PCDH9: variants seen among roughly 807,000 people sequenced by gnomAD.
PCDH9 encodes the protein protocadherin-9.
A neutral mutation model predicts 70.6 loss-of-function variants in PCDH9; 24 were observed. The observed-to-expected ratio is 0.34, with a 90% CI of 0.25 to 0.48. The LOEUF (loss-of-function observed/expected upper bound fraction) is 0.48, where lower values mean the gene tolerates loss of function less well. PCDH9 is among the 20% of genes least tolerant of loss of function. The pLI, the probability that PCDH9 is intolerant of heterozygous loss-of-function variation, is 0.99. For missense variants in PCDH9, 1,281 were observed against 1,503.6 expected, an observed-to-expected ratio of 0.85 and a Z score of 2.45; for synonymous variants, 562 against 558.5, an observed-to-expected ratio of 1.01 and a Z score of -0.09.
intron 3 of PCDH9, among the ~76,000 whole-genome samples, chr13:66,877,081 T>TCAGA (rs58352180): frequency 0.44 from 67,059 of 151,110 alleles, 15,367 homozygotes; most frequent in African/African-American, 0.57. Flanking sequence ...GATAGAAAAG[T>TCAGA]CAGTCTTTTA....
At chr13:66,305,779 G>A (rs181817512) in intron 4 of PCDH9, among the ~76,000 whole-genome samples, 1 of 152,130 alleles carries the variant, frequency 6.6e-6, no homozygotes, top group East Asian at 1.9e-4. Context: ...TAAAACTGAA[G>A]CTAAATTGCA....
chr13:66,968,357 G>T (rs1261064458), intron 2 of PCDH9, among the ~76,000 whole-genome samples: 1 of 151,886 alleles, frequency 6.6e-6, no homozygotes. Context: ...GGCTTTGTAC[G>T]GTATACTTCT....
intron 3 of PCDH9, among the ~76,000 whole-genome samples, chr13:66,849,025 A>T (rs1415129586): frequency 6.6e-6 from 1 of 150,708 alleles, no homozygotes; most frequent in Non-Finnish European, 1.5e-5. Flanking sequence ...ATTCTGTGTG[A>T]TCTCCTTTAA....
intron 2 of PCDH9, among the ~76,000 whole-genome samples, chr13:67,098,634 T>G (rs1372227410): frequency 6.6e-6 from 1 of 152,154 alleles, no homozygotes; most frequent in Non-Finnish European, 1.5e-5. Flanking sequence ...TCCCACAATC[T>G]GTTCTTCCTT....
intron 4 of PCDH9, among the ~76,000 whole-genome samples, chr13:66,595,631 G>T (rs1016562773): frequency 2.0e-5 from 3 of 151,508 alleles, no homozygotes; most frequent in Admixed American, 1.3e-4. Context: ...GTTTATAATT[G>T]TAATCTCTCA....
chr13:66,705,068 C>T (rs1358423908), intron 3 of PCDH9, among the ~76,000 whole-genome samples: 1 of 151,998 alleles, frequency 6.6e-6, no homozygotes, highest in African/African-American at 2.4e-5. Flanking sequence ...TTTTCTCTAT[C>T]CAGTAAGCAG....
At chr13:66,445,152 T>A (rs548503410) in intron 4 of PCDH9, among the ~76,000 whole-genome samples, 2 of 147,154 alleles carry the variant, frequency 1.4e-5, no homozygotes, top group South Asian at 4.2e-4. Context: ...ACATATATTA[T>A]TTTACTATAT....
intron 4 of PCDH9, among the ~76,000 whole-genome samples, chr13:66,564,221 G>A (rs2076618249): frequency 6.6e-6 from 1 of 152,042 alleles, no homozygotes; most frequent in African/African-American, 2.4e-5. Context: ...CTAGAGTACA[G>A]TGGCATGATC....
chr13:66,357,289 A>T (rs1956399858), intron 4 of PCDH9, among the ~76,000 whole-genome samples: 1 of 152,054 alleles, frequency 6.6e-6, no homozygotes, highest in African/African-American at 2.4e-5. Context: ...AGAAAACTGC[A>T]ACATGCAAAC....
chr13:66,803,119 GTAAT>G (rs2080352672), intron 3 of PCDH9, among the ~76,000 whole-genome samples: 3 of 152,034 alleles, frequency 2.0e-5, no homozygotes, highest in African/African-American at 7.2e-5. Context: ...AAAAATTGGT[GTAAT>G]TAATTATGAT....
intron 4 of PCDH9, among the ~76,000 whole-genome samples, chr13:66,344,311 A>T (rs1338157959): frequency 1.3e-5 from 2 of 152,066 alleles, no homozygotes; most frequent in African/African-American, 4.8e-5. Context: ...TATTTAGTAG[A>T]GATGGGGTTT....
intron 3 of PCDH9, among the ~76,000 whole-genome samples, chr13:66,636,422 C>G (rs1046438515): frequency 6.6e-6 from 1 of 152,040 alleles, no homozygotes; most frequent in African/African-American, 2.4e-5. Flanking sequence ...TTAATCATCA[C>G]AATTAAAGAT....
chr13:66,824,465 G>T (rs1346898717), intron 3 of PCDH9, among the ~76,000 whole-genome samples: 3 of 148,854 alleles, frequency 2.0e-5, no homozygotes, highest in Admixed American at 6.7e-5. Flanking sequence ...AGACCAGCCT[G>T]GCCAATGTGG....
intron 3 of PCDH9, among the ~76,000 whole-genome samples, chr13:66,634,695 A>C (rs1054226176): frequency 5.3e-5 from 8 of 152,196 alleles, no homozygotes; most frequent in African/African-American, 1.7e-4. Flanking sequence ...AGTCAATAAA[A>C]AGTAGCTATA....
At chr13:66,795,497 A>C (rs1291736623) in intron 3 of PCDH9, among the ~76,000 whole-genome samples, 2 of 152,134 alleles carry the variant, frequency 1.3e-5, no homozygotes, top group Non-Finnish European at 2.9e-5. Flanking sequence ...CTGGGGGAAA[A>C]TATCACAGTG....
chr13:67,099,148 C>T (rs1214457382), intron 2 of PCDH9, among the ~76,000 whole-genome samples: 2 of 152,166 alleles, frequency 1.3e-5, no homozygotes, highest in Non-Finnish European at 2.9e-5. Flanking sequence ...TGTAGAAACG[C>T]TGTGAATACT....
intron 4 of PCDH9, among the ~76,000 whole-genome samples, chr13:66,322,587 T>A (rs1025496063): frequency 6.6e-6 from 1 of 152,062 alleles, no homozygotes; most frequent in African/African-American, 2.4e-5. Flanking sequence ...ACAGGCCACA[T>A]TGCCTCTGTT....
chr13:66,687,521 TAC>T (rs2078421482), intron 3 of PCDH9, among the ~76,000 whole-genome samples: 1 of 151,970 alleles, frequency 6.6e-6, no homozygotes, highest in Non-Finnish European at 1.5e-5. Context: ...TCCAGTTTTA[TAC>T]ATCAAATTTT....
At chr13:66,745,923 T>C (rs1168681492) in intron 3 of PCDH9, among the ~76,000 whole-genome samples, 3 of 152,294 alleles carry the variant, frequency 2.0e-5, no homozygotes, top group East Asian at 1.9e-4. Context: ...TTATTCCCCC[T>C]TAGATCCTTT....
Sources: allele counts gnomAD v4.1 joint callset (sites outside exome capture counted in the v4.1 genomes callset), GRCh38; gene constraint gnomAD v4.1.1; transcripts MANE v1.5; gene names NCBI Gene and HGNC (gene_info 2026-07-23, HGNC 2026-07-21).